Variants in ZBTB40 observed in about 807,000 individuals in gnomAD.
The protein encoded by ZBTB40 is zinc finger and BTB domain containing 40.
Under a neutral mutation model 117.5 loss-of-function variants are expected in ZBTB40, and 60 were observed. The ratio of observed to expected loss-of-function variants is 0.51; its 90% CI spans 0.41 to 0.63. The LOEUF (loss-of-function observed/expected upper bound fraction) is 0.63, where lower values mean the gene tolerates loss of function less well. Ranked by LOEUF, ZBTB40 falls within the 30% of genes least tolerant of loss-of-function variation. The pLI, the probability that ZBTB40 is intolerant of heterozygous loss-of-function variation, is 0.00. For missense variants in ZBTB40, 1,287 were observed against 1,498.5 expected, an observed-to-expected ratio of 0.86 and a Z score of 2.33; for synonymous variants, 525 against 577.1, an observed-to-expected ratio of 0.91 and a Z score of 1.29.
chr1:22,501,203 G>A (rs970021993), intron 3 of ZBTB40, among the ~76,000 whole-genome samples: 1 of 152,216 alleles, frequency 6.6e-6, no homozygotes, highest in African/African-American at 2.4e-5. Flanking sequence ...ATTAAAAGCA[G>A]TGAAGAGGAG....
At chr1:22,448,028 G>C (rs1474685218), upstream of ZBTB40, among the ~76,000 whole-genome samples, 1 of 152,138 alleles carries the variant, frequency 6.6e-6, no homozygotes, top group Admixed American at 6.5e-5. Context: ...ACATTTGACC[G>C]GACAGCAGCT....
intron 1 of ZBTB40, among the ~76,000 whole-genome samples, chr1:22,477,422 G>A (rs1308117546): frequency 6.6e-6 from 1 of 152,088 alleles, no homozygotes; most frequent in African/African-American, 2.4e-5. Flanking sequence ...AGGCCAAGGT[G>A]GGCAGATAAT....
chr1:22,526,264 G>A lies in ZBTB40; in HGVS notation c.3588G>A (p.Gln1196=). 1 of 1,614,214 alleles carries A rather than the reference G, an allele frequency of 6.2e-7. No individual in the cohort carries two copies. Among genetic ancestry groups the A allele is most frequent in the Non-Finnish European group, 8.5e-7 (1 of 1,180,046 alleles). The change falls in exon 18 of 18, where the codon CAG becomes CAA. Residue 1196 remains glutamine (Q), a synonymous_variant. Coordinates refer to ENST00000375647, the MANE Select transcript of ZBTB40 (RefSeq NM_014870.4). The stretch of plus-strand genomic sequence containing the variant: ...AGGTGATCACTTTGGAGGAGACCCA[G>A]CTTGCCGGGTCGCAGGTGTTTGTGA... ...TEQVITLEET[Q]LAGSQVFVTL... is the part of the protein sequence containing the mutation.
At chr1:22,443,521 A>C (rs941852677) in intron 1 of ZBTB40, among the ~76,000 whole-genome samples, 10 of 152,234 alleles carry the variant, frequency 6.6e-5, no homozygotes, top group African/African-American at 2.2e-4. Context: ...GCTTGAGTTA[A>C]GATAAGAGTA....
chr1:22,503,849 G>A lies in ZBTB40; in HGVS notation c.1167+1408G>A, dbSNP rs1192373803. Among the ~76,000 whole-genome samples the A allele has an allele frequency of 4.6e-5, 7 of 152,096 alleles. No individual in the cohort carries two copies. The East Asian group carries it at 5.8e-4, about 13-fold the overall frequency. On this transcript the variant is annotated intron_variant, in intron 5 of 17. Coordinates refer to ENST00000375647, the MANE Select transcript of ZBTB40 (RefSeq NM_014870.4). ...GATTCCCTCTTTAGTGATTTCATTC[G>A]ATTACTCATTCAGACCTTTTTCTTT...
chr1:22,486,697 A>T (rs372650884), intron 1 of ZBTB40, among the ~76,000 whole-genome samples: 1 of 147,898 alleles, frequency 6.8e-6, no homozygotes, highest in Non-Finnish European at 1.5e-5. Context: ...GTTCCTACAG[A>T]GGCGTTTGTT....
At chr1:22,521,451 T>A (rs1410391799) in intron 14 of ZBTB40, 45 bp from the exon 15 acceptor site, 8 of 1,612,822 alleles carry the variant, frequency 5.0e-6, no homozygotes, top group African/African-American at 1.3e-5. Context: ...GCTCTCCAGC[T>A]TGCTGGAACT....
intron 1 of ZBTB40, among the ~76,000 whole-genome samples, chr1:22,471,717 C>G (rs1033031210): frequency 2.6e-5 from 4 of 152,184 alleles, no homozygotes; most frequent in African/African-American, 9.7e-5. Context: ...CCTATTCACC[C>G]CATCCGAAGA....
chr1:22,446,914 G>A (rs1341016886), upstream of ZBTB40, among the ~76,000 whole-genome samples: 1 of 151,938 alleles, frequency 6.6e-6, no homozygotes, highest in South Asian at 2.1e-4. Flanking sequence ...ACCAGCCTGG[G>A]CAACATGGCA....
chr1:22,474,951 A>AAAC (rs770690765), intron 1 of ZBTB40, among the ~76,000 whole-genome samples: 125 of 151,880 alleles, frequency 8.2e-4, no homozygotes, highest in South Asian at 1.7e-3. Context: ...AATAAAAAAA[A>AAAC]AAAAAACAGG....
intron 5 of ZBTB40, 25 bp downstream of exon 5, chr1:22,502,466 C>T: frequency 6.2e-7 from 1 of 1,613,876 alleles, no homozygotes; most frequent in Non-Finnish European, 8.5e-7. Context: ...TGTCTCCTCC[C>T]TCCTCCTGAA....
intron 12 of ZBTB40, among the ~76,000 whole-genome samples, chr1:22,514,245 T>C (rs572600757): frequency 1.3e-5 from 2 of 152,334 alleles, no homozygotes; most frequent in South Asian, 4.1e-4. Context: ...AAGGTAACCA[T>C]TGTTTGACGT....
intron 3 of ZBTB40, among the ~76,000 whole-genome samples, chr1:22,493,072 A>G (rs187785396): frequency 2.7e-4 from 41 of 152,254 alleles, no homozygotes; most frequent in Admixed American, 1.5e-3. Flanking sequence ...TTTTTTTAAC[A>G]TTGGTACCTA....
At chr1:22,487,231 C>G (rs1174246160) in intron 1 of ZBTB40, among the ~76,000 whole-genome samples, 4 of 152,184 alleles carry the variant, frequency 2.6e-5, no homozygotes, top group African/African-American at 4.8e-5. Flanking sequence ...GAAACTGGAA[C>G]TCTGAAATAT....
intron 1 of ZBTB40, among the ~76,000 whole-genome samples, chr1:22,435,622 C>G (rs550563366): frequency 2.0e-5 from 3 of 151,696 alleles, no homozygotes; most frequent in East Asian, 1.9e-4. Context: ...ATGTATTGCT[C>G]CTAATTTTAG....
At chr1:22,444,249 TA>T (rs925623663) in intron 1 of ZBTB40, among the ~76,000 whole-genome samples, 9 of 151,890 alleles carry the variant, frequency 5.9e-5, no homozygotes, top group African/African-American at 9.7e-5. Flanking sequence ...TCATCTCTAC[TA>T]AAAATATATA....
chr1:22,434,882 G>A (rs1640649762), intron 1 of ZBTB40, among the ~76,000 whole-genome samples: 1 of 152,100 alleles, frequency 6.6e-6, no homozygotes, highest in Admixed American at 6.6e-5. Flanking sequence ...GAACTTGATA[G>A]TCAGCTTCTC....
rs1639713980 is a variant in ZBTB40 at position 22,527,563 on chromosome 1, C to T, written c.*1167C>T. On this transcript the variant is annotated 3_prime_UTR_variant, in exon 18 of 18. Transcript: ENST00000375647. ...TTTGGAGAGAATGACTAGCATTTAT[C>T]TTCTTTTCCTTCCATGCCAAAGGTT... 6.6e-6 allele frequency: 1 copy of T among 152,388 alleles called. No individual in the cohort carries two copies. Among genetic ancestry groups the T allele is most frequent in the South Asian group, 2.1e-4 (1 of 4,836 alleles). The allele number at this position is 152,388 out of a possible 1,614,324, so 9.4% of individuals were successfully genotyped here.
chr1:22,480,859 C>T (rs1638285192), intron 1 of ZBTB40, among the ~76,000 whole-genome samples: 1 of 152,166 alleles, frequency 6.6e-6, no homozygotes, highest in Non-Finnish European at 1.5e-5. Context: ...ATTGCTGTTT[C>T]CCTGAGCCAG....
Sources: allele counts gnomAD v4.1 joint callset (sites outside exome capture counted in the v4.1 genomes callset), GRCh38; gene constraint gnomAD v4.1.1; transcripts MANE v1.5; gene names NCBI Gene and HGNC (gene_info 2026-07-23, HGNC 2026-07-21).